Variants in MMP2 observed in about 807,000 individuals in gnomAD.
MMP2 encodes matrix metallopeptidase 2.
In MMP2, 39 loss-of-function variants were observed where a neutral mutation model predicts 74.8. The ratio of observed to expected loss-of-function variants is 0.52; its 90% CI spans 0.40 to 0.68. MMP2 has a LOEUF of 0.68. Among genes scored for constraint, MMP2 ranks in the 30% least tolerant of loss-of-function variants. The pLI, the probability that MMP2 is intolerant of heterozygous loss-of-function variation, is 0.00. For missense variants in MMP2, 803 were observed against 878.3 expected, an observed-to-expected ratio of 0.91 and a Z score of 1.08; for synonymous variants, 367 against 339.8, an observed-to-expected ratio of 1.08 and a Z score of -0.88.
intron 1 of MMP2, among the ~76,000 whole-genome samples, chr16:55,482,143 C>T (rs1962121044): frequency 6.6e-6 from 1 of 152,144 alleles, no homozygotes; most frequent in Non-Finnish European, 1.5e-5. Flanking sequence ...TAGCACTGGG[C>T]TTGGTACATG....
At chr16:55,505,114 G>A (rs1467392258) in intron 12 of MMP2, among the ~76,000 whole-genome samples, 29 of 152,002 alleles carry the variant, frequency 1.9e-4, no homozygotes, top group Admixed American at 1.9e-3. Context: ...ACTATACCCA[G>A]CTAATTTAAA....
In MMP2 at chr16:55,485,334, G is replaced by A. The variant is rs1216371810; in HGVS notation, c.565G>A (p.Gly189Arg). ...GDGYPFDGKD[G>R]LLAHAFAPGT... ...TGGATACCCCTTTGACGGTAAGGAC[G>A]GACTCCTGGCTCATGCCTTCGCCCC... is the stretch of plus-strand genomic sequence containing the variant. The change falls in exon 4 of 13, where the codon GGA (glycine) becomes AGA (arginine). Residue 189 changes from glycine to arginine, a missense_variant. This residue lies in a region of MMP2 where 25 missense variants were observed against 53.5 expected (regional missense o/e 0.47). Transcript: ENST00000219070. 6.2e-7 allele frequency: 1 copy of A among 1,614,102 alleles called. No individual in the cohort carries two copies. Among genetic ancestry groups the A allele is most frequent in the Non-Finnish European group, 8.5e-7 (1 of 1,180,006 alleles).
chr16:55,489,941 C>A, intron 7 of MMP2, 117 bp downstream of exon 7: 1 of 1,208,948 alleles, frequency 8.3e-7, no homozygotes, highest in Non-Finnish European at 1.2e-6. Flanking sequence ...CCCCCAGACA[C>A]CCACCTACCC....
At chr16:55,482,774 T>G (rs753433295) in intron 1 of MMP2, 135 bp from the exon 2 acceptor site, 72 of 760,722 alleles carry the variant, frequency 9.5e-5, no homozygotes, top group South Asian at 5.8e-4. Context: ...CTCCACCCAG[T>G]GCTCTGGGAC....
Position 55,489,633 on chromosome 16 carries a change from G to A in MMP2, c.1007-18G>A, listed in dbSNP as rs17242473. 23,896 of 1,613,508 alleles carry A rather than the reference G, an allele frequency of 0.015. 205 individuals carry two copies. Among genetic ancestry groups the A allele is most frequent in the Middle Eastern group, 0.022 (136 of 6,062 alleles). ...CAGACTCTTTGCTGCGCCTTGACCC[G>A]TATCCCTAACCCCACAGCCATGTCC... On this transcript the variant is annotated intron_variant, in intron 6 of 12. Coordinates refer to ENST00000219070, the MANE Select transcript of MMP2 (RefSeq NM_004530.6).
chr16:55,505,394 G>C lies in MMP2; in HGVS notation c.1935G>C (p.Leu645=), dbSNP rs771093239. The C allele has an allele frequency of 6.2e-7, 1 of 1,614,004 alleles. No individual in the cohort carries two copies. Among genetic ancestry groups the C allele is most frequent in the African/African-American group, 1.3e-5 (1 of 74,900 alleles). ...ACCTGAAGCTGGAGAACCAAAGTCT[G>C]AAGAGCGTGAAGTTTGGAAGCATCA... The part of the protein sequence containing the change: ...AYYLKLENQS[L]KSVKFGSIKS... Residue 645 remains leucine, a synonymous_variant, in exon 13 of 13, where the codon CTG becomes CTC. Coordinates refer to ENST00000219070, the MANE Select transcript of MMP2 (RefSeq NM_004530.6).
chr16:55,497,252 C>T (rs1465929942), intron 10 of MMP2, among the ~76,000 whole-genome samples, 190 bp downstream of exon 10: 1 of 152,180 alleles, frequency 6.6e-6, no homozygotes. Flanking sequence ...AGATTGGTTC[C>T]GACACCCAAC....
intron 11 of MMP2, among the ~76,000 whole-genome samples, chr16:55,501,586 G>A (rs1399774317): frequency 3.9e-5 from 6 of 152,204 alleles, no homozygotes; most frequent in African/African-American, 1.4e-4. Context: ...AGCATGCCAG[G>A]TTTTGTAAGA....
Position 55,485,739 on chromosome 16 carries a change from T to C in MMP2, c.794T>C (p.Phe265Ser), listed in dbSNP as rs1567374655. 1.9e-6 allele frequency: 3 copies of C among 1,613,932 alleles called. No homozygotes were observed. Among genetic ancestry groups the C allele is most frequent in the Non-Finnish European group, 2.5e-6 (3 of 1,180,006 alleles). ...GFLWCSTTYN[F>S]EKDGKYGFCP... ...CTCTGGTGCTCCACCACCTACAACT[T>C]TGAGAAGGATGGCAAGTACGGCTTC... is the stretch of plus-strand genomic sequence containing the variant. Residue 265 changes from phenylalanine (F) to serine (S), a missense_variant, in exon 5 of 13, where the codon TTT becomes TCT. By Grantham distance (155) the Phe-to-Ser change is radical (BLOSUM62 -2). This residue lies in a region of MMP2 where 555 missense variants were observed against 592.0 expected (regional missense o/e 0.94). Transcript: ENST00000219070.
rs759388881 is a variant in MMP2 at position 55,505,450 on chromosome 16, C to T, written c.*8C>T. The T allele has an allele frequency of 2.5e-6, 4 of 1,612,156 alleles. No homozygotes were observed. The highest frequency in any genetic ancestry group is 1.7e-4 in the Middle Eastern group (1 of 6,008). On this transcript the variant is annotated 3_prime_UTR_variant, in exon 13 of 13. Coordinates refer to ENST00000219070, the MANE Select transcript of MMP2 (RefSeq NM_004530.6). ...GACTGGCTAGGCTGCTGAGCTGGCC[C>T]TGGCTCCCACAGGCCCTTCCTCTCC...
At position 55,485,674 on chromosome 16, in the gene MMP2, G is replaced by C; in HGVS notation, c.729G>C (p.Glu243Asp). Residue 243 changes from glutamate to aspartate, a missense_variant, in exon 5 of 13, where the codon GAG (glutamate) becomes GAC (aspartate). Around this residue, in one of 3 missense-constraint regions of MMP2, gnomAD observed 555 missense variants for 592.0 expected, o/e 0.94. Coordinates refer to ENST00000219070, the MANE Select transcript of MMP2 (RefSeq NM_004530.6). ...TCCCCTTCTTGTTCAATGGCAAGGAGTACAACAGCTGCACTGATACCGGCC... is the reference window on the plus strand; with the variant it reads ...TCCCCTTCTTGTTCAATGGCAAGGACTACAACAGCTGCACTGATACCGGCC... ...CKFPFLFNGK[E>D]YNSCTDTGRS... 1 of 1,614,168 alleles carries C rather than the reference G, an allele frequency of 6.2e-7. No homozygotes were observed.
At chr16:55,479,979 G>GGCA (rs200682091) in intron 1 of MMP2, 1 of 8,670 alleles carries the variant, frequency 1.2e-4, no homozygotes, top group Non-Finnish European at 2.9e-4. Context: ...GACATTTGGC[G>GGCA]GGGGGGGGGG....
At chr16:55,494,561 T>A (rs1403328404) in intron 9 of MMP2, among the ~76,000 whole-genome samples, 1 of 152,186 alleles carries the variant, frequency 6.6e-6, no homozygotes, top group Non-Finnish European at 1.5e-5. Context: ...CGCATGGGCC[T>A]CCTATAACAG....
At chr16:55,480,683 T>C (rs1962078224) in intron 1 of MMP2, 1 of 152,588 alleles carries the variant, frequency 6.6e-6, no homozygotes, top group Admixed American at 6.5e-5. Context: ...CCTTGTTGCT[T>C]CAGCCACCCT....
At chr16:55,486,030 A>G (rs890821853) in intron 5 of MMP2, among the ~76,000 whole-genome samples, 1 of 152,072 alleles carries the variant, frequency 6.6e-6, no homozygotes, top group Non-Finnish European at 1.5e-5. Flanking sequence ...ACCATTAGCA[A>G]TCATTTAGGA....
At chr16:55,500,449 C>G (rs1471999568) in intron 11 of MMP2, among the ~76,000 whole-genome samples, 1 of 148,278 alleles carries the variant, frequency 6.7e-6, no homozygotes. Flanking sequence ...CAAAAACAGA[C>G]CTGTTCCTAG....
chr16:55,491,809 C>T lies in MMP2; in HGVS notation c.1189C>T (p.Leu397=). ...CTCCCTGCAACCCTCAGGGTACAGC[C>T]TGTTCCTCGTGGCAGCCCACGAGTT... is the stretch of plus-strand genomic sequence containing the variant. ...WGFCPDQGYS[L]FLVAAHEFGH... is the part of the protein sequence containing the mutation. Residue 397 remains leucine, a synonymous_variant, in exon 8 of 13, where the codon CTG becomes TTG. Coordinates refer to ENST00000219070, the MANE Select transcript of MMP2 (RefSeq NM_004530.6). 6.2e-7 allele frequency: 1 copy of T among 1,614,228 alleles called. No homozygotes were observed. Among genetic ancestry groups the T allele is most frequent in the Non-Finnish European group, 8.5e-7 (1 of 1,180,044 alleles).
Position 55,479,456 on chromosome 16 carries a change from C to G in MMP2, c.-24C>G. 6.8e-7 allele frequency: 1 copy of G among 1,480,816 alleles called. No individual in the cohort carries two copies. The highest frequency in any genetic ancestry group is 8.9e-7 in the Non-Finnish European group (1 of 1,119,404). The allele number at this position is 1,480,816 out of a possible 1,614,324, so 91.7% of individuals were successfully genotyped here. A position where few individuals can be genotyped will look rare whatever the true frequency, so the allele number is the denominator to read the frequency against. On this transcript the variant is annotated 5_prime_UTR_variant, in exon 1 of 13. Transcript: ENST00000219070. ...CACCGAGCCAGCGACCCCCGGGCGA[C>G]GCGCGGGGCCAGGGAGCGCTACGAT...
intron 5 of MMP2, among the ~76,000 whole-genome samples, chr16:55,486,347 CTGTGTGTGTGTGTGTGTGTGTGTG>C (rs57608135): frequency 4.4e-5 from 6 of 137,728 alleles, no homozygotes; most frequent in African/African-American, 1.7e-4. Context: ...GTGTGTGTGC[CTGTGTGTGTGTGTGTGTGTGTGTG>C]TGTGTGTGTG....
Sources: allele counts gnomAD v4.1 joint callset (sites outside exome capture counted in the v4.1 genomes callset), GRCh38; gene constraint gnomAD v4.1.1; regional missense constraint gnomAD v4.1.1; transcripts MANE v1.5; gene names NCBI Gene and HGNC (gene_info 2026-07-23, HGNC 2026-07-21).